CRLF2: variants seen among roughly 807,000 people sequenced by gnomAD.
The protein encoded by CRLF2 is cytokine receptor-like factor 2.
In CRLF2, 41 loss-of-function variants were observed where a neutral mutation model predicts 38.7. The observed-to-expected ratio is 1.06, with a 90% CI of 0.83 to 1.37. CRLF2 has a LOEUF of 1.37. CRLF2 is among the 40% of genes most tolerant of loss of function. CRLF2 has a pLI of 0.00. For missense variants in CRLF2, 377 were observed against 322.2 expected (o/e 1.17, Z -1.30); for synonymous variants, 140 against 128.8 (o/e 1.09, Z -0.59).
At chrX:1,212,441 AAAG>A in intron 1 of CRLF2, 112 bp downstream of exon 1, 12 of 663,712 alleles carry the variant, frequency 1.8e-5, no homozygotes, top group South Asian at 8.9e-5. Context: ...AAAAAAAAGA[AAAG>A]AAGAAAGAAA....
intron 1 of CRLF2, among the ~76,000 whole-genome samples, chrX:1,211,394 TG>T: frequency 6.9e-6 from 1 of 143,898 alleles, no homozygotes; most frequent in Non-Finnish European, 1.5e-5. Context: ...GATGGATGGA[TG>T]GATGGATAAG....
rs1470997907 is a variant in CRLF2, at chrX:1,212,416, C to G, written c.79+140G>C. ...CTGAGGCAGGAGAATTGCTTGAACC[C>G]GGAAAAAAAAAAAAAAAAAAAAGAA... On this transcript the variant is annotated intron_variant, in intron 1 of 7. Transcript: ENST00000400841. 9 of 563,754 alleles carry G rather than the reference C, an allele frequency of 1.6e-5. No homozygotes were observed. In the African/African-American group the frequency reaches 2.4e-4, roughly 15 times the overall value. 34.9% of individuals were successfully genotyped at this position (563,754 alleles called of 1,614,324 possible).
intron 1 of CRLF2, 111 bp from the exon 2 acceptor site, chrX:1,209,019 G>C (rs1254684872): frequency 1.5e-5 from 10 of 676,438 alleles, no homozygotes; most frequent in Non-Finnish European, 1.8e-5. Flanking sequence ...CCAGGCTGGA[G>C]TACAATGGCA....
chrX:1,211,888 G>C (rs1603400783), intron 1 of CRLF2, among the ~76,000 whole-genome samples: 1 of 89,368 alleles, frequency 1.1e-5, no homozygotes. Context: ...TGGATGGGTG[G>C]ATGGGTGGAT....
intron 3 of CRLF2, among the ~76,000 whole-genome samples, chrX:1,204,472 C>T (rs1364154162): frequency 7.9e-5 from 12 of 152,132 alleles, no homozygotes; most frequent in African/African-American, 2.4e-4. Flanking sequence ...ACGTGATCCC[C>T]CTGCCTTGGC....
chrX:1,211,005 G>C (rs750727521), intron 1 of CRLF2, among the ~76,000 whole-genome samples: 29 of 150,000 alleles, frequency 1.9e-4, no homozygotes, highest in Middle Eastern at 3.6e-3. Context: ...GGATGGATGA[G>C]TGGATGAAAG....
chrX:1,198,745 A>G (rs2086547332), intron 4 of CRLF2, 21 bp from the exon 5 acceptor site: 1 of 1,167,726 alleles, frequency 8.6e-7, no homozygotes, highest in Non-Finnish European at 1.2e-6. Flanking sequence ...ATACACACAC[A>G]CACACACACA....
intron 2 of CRLF2, among the ~76,000 whole-genome samples, chrX:1,207,421 AAT>A (rs1491421461): frequency 6.8e-6 from 1 of 147,054 alleles, no homozygotes; most frequent in African/African-American, 2.5e-5. Flanking sequence ...GCGCCCGGCT[AAT>A]TTTTTTGTAT....
At chrX:1,198,439 G>A (rs2086537392) in intron 5 of CRLF2, 123 bp downstream of exon 5, 1 of 596,020 alleles carries the variant, frequency 1.7e-6, no homozygotes, top group East Asian at 4.4e-5. Flanking sequence ...CAGGAAGGCA[G>A]GACACCCTCC....
chrX:1,199,997 ATGTGTATATAAGC>A (rs1185539878), intron 4 of CRLF2, among the ~76,000 whole-genome samples: 20 of 151,428 alleles, frequency 1.3e-4, no homozygotes, highest in East Asian at 1.9e-4. Flanking sequence ...GTGTATATAT[ATGTGTATATAAGC>A]TGTGTATATA....
At chrX:1,206,237 G>C (rs2086689104) in intron 3 of CRLF2, among the ~76,000 whole-genome samples, 196 bp downstream of exon 3, 2 of 151,842 alleles carry the variant, frequency 1.3e-5, no homozygotes, top group Admixed American at 1.3e-4. Context: ...TTGATCCCGC[G>C]ACTGGCTGGA....
intron 7 of CRLF2, 131 bp from the exon 8 acceptor site, chrX:1,191,291 T>TC (rs1304867828): frequency 3.0e-5 from 12 of 395,616 alleles, no homozygotes; most frequent in Non-Finnish European, 4.0e-5. Flanking sequence ...CTTTCTTTTC[T>TC]TTTCTCTTTC....
At chrX:1,202,295 A>C in intron 4 of CRLF2, 107 bp downstream of exon 4, 1 of 1,300,450 alleles carries the variant, frequency 7.7e-7, no homozygotes, top group Non-Finnish European at 1.1e-6. Context: ...GGAATTCAGG[A>C]AGGTGTAGAC....
chrX:1,192,894 A>T (rs1186453201), intron 7 of CRLF2, among the ~76,000 whole-genome samples: 2 of 147,230 alleles, frequency 1.4e-5, no homozygotes, highest in African/African-American at 2.5e-5. Context: ...GCTCACTGCA[A>T]CCTCTGCCTC....
intron 7 of CRLF2, among the ~76,000 whole-genome samples, chrX:1,192,691 CT>C (rs1371518156): frequency 4.5e-5 from 6 of 132,694 alleles, no homozygotes; most frequent in East Asian, 4.4e-4. Context: ...TTTTCTCTTT[CT>C]TTTTCTTTTC....
At position 1,210,121 on chromosome X, in the gene CRLF2, G is replaced by GA. The variant is rs1556425617; in HGVS notation, c.80-1214dup. Among the ~76,000 whole-genome samples the GA allele has an allele frequency of 7.5e-4, 36 of 48,036 alleles. 1 individual carries two copies. In the East Asian group the frequency reaches 8.0e-3, roughly 11 times the overall value. 31.5% of individuals were successfully genotyped at this position (48,036 alleles called of 152,430 possible). The stretch of plus-strand genomic sequence containing the variant: ...TCCCTATCAAAAAAAAAAAAGAAAA[G>GA]AAAAGAAAAGAAAAGAAAAGAAAAG... On this transcript the variant is annotated intron_variant, in intron 1 of 7. Transcript: ENST00000400841.
intron 6 of CRLF2, among the ~76,000 whole-genome samples, chrX:1,195,744 AAT>A (rs1328224277): frequency 2.9e-4 from 39 of 135,904 alleles, no homozygotes; most frequent in African/African-American, 9.3e-4. Context: ...TATTTTTATA[AAT>A]ATATATATAT....
chrX:1,212,417 G>A (rs868547945), intron 1 of CRLF2, 139 bp downstream of exon 1: 4 of 531,684 alleles, frequency 7.5e-6, no homozygotes, highest in South Asian at 4.7e-5. Context: ...GCTTGAACCC[G>A]GAAAAAAAAA....
intron 5 of CRLF2, 133 bp from the exon 6 acceptor site, chrX:1,197,033 G>T: frequency 7.4e-6 from 5 of 671,350 alleles, no homozygotes; most frequent in South Asian, 3.8e-5. Flanking sequence ...CTTGGTTCTC[G>T]TTGTTTGTTT....
Sources: allele counts gnomAD v4.1 joint callset (sites outside exome capture counted in the v4.1 genomes callset), GRCh38; gene constraint gnomAD v4.1.1; transcripts MANE v1.5; gene names NCBI Gene and HGNC (gene_info 2026-07-23, HGNC 2026-07-21).